Variants in RNF212B observed in about 807,000 individuals in gnomAD.
RNF212B encodes the protein ring finger protein 212B.
Under a neutral mutation model 55.5 loss-of-function variants are expected in RNF212B, and 52 were observed. The ratio of observed to expected loss-of-function variants is 0.94; its 90% CI spans 0.75 to 1.18. The LOEUF is 1.18. Ranked by LOEUF, RNF212B falls within the 50% of genes most tolerant of loss-of-function variation. RNF212B has a pLI of 0.00. For synonymous variants in RNF212B, 99 were observed against 121.4 expected (o/e 0.82, Z 1.21); for missense variants, 289 against 350.4 (o/e 0.82, Z 1.40).
chr14:23,187,967 G>A (rs1877756647), intron 1 of RNF212B: 2 of 152,234 alleles, frequency 1.3e-5, no homozygotes, highest in South Asian at 4.2e-4. Flanking sequence ...GCCAAAATAG[G>A]TCAGAAAGAA....
chr14:23,249,832 A>G (rs985216877), intron 4 of RNF212B, among the ~76,000 whole-genome samples: 1 of 152,198 alleles, frequency 6.6e-6, no homozygotes, highest in Non-Finnish European at 1.5e-5. Flanking sequence ...TTTTGCTAAG[A>G]AAGCATTTTT....
At chr14:23,190,803 G>A (rs2064406415) in intron 1 of RNF212B, among the ~76,000 whole-genome samples, 1 of 152,286 alleles carries the variant, frequency 6.6e-6, no homozygotes, top group Middle Eastern at 3.4e-3. Flanking sequence ...CAGCTAACTA[G>A]AATCAAACCT....
intron 2 of RNF212B, among the ~76,000 whole-genome samples, chr14:23,208,966 G>A (rs543239111): frequency 1.3e-5 from 2 of 151,428 alleles, no homozygotes; most frequent in Admixed American, 6.6e-5. Flanking sequence ...CATCGTGTTA[G>A]CCGGGATGGT....
chr14:23,189,507 T>C (rs532358272), intron 1 of RNF212B, among the ~76,000 whole-genome samples: 48 of 152,220 alleles, frequency 3.2e-4, no homozygotes, highest in African/African-American at 1.1e-3. Flanking sequence ...ATAACTCCCA[T>C]TGAAAAACAA....
chr14:23,215,110 C>T (rs189046129), intron 2 of RNF212B, among the ~76,000 whole-genome samples: 2 of 152,228 alleles, frequency 1.3e-5, no homozygotes, highest in Non-Finnish European at 1.5e-5. Flanking sequence ...CGGGCAGTTT[C>T]CCCCATACTG....
chr14:23,270,588 T>G lies in RNF212B; in HGVS notation c.773-12T>G. The stretch of plus-strand genomic sequence containing the variant: ...AGTAAGTTATCTTTCACTGTTCCAT[T>G]CTATCCTTCAGCTCAGAGGGAGAGC... On this transcript the variant is annotated splice_polypyrimidine_tract_variant and intron_variant, in intron 13 of 14. Coordinates refer to ENST00000430154, the MANE Select transcript of RNF212B (RefSeq NM_001282322.3). 6.5e-7 allele frequency: 1 copy of G among 1,545,730 alleles called. No homozygotes were observed. Among genetic ancestry groups the G allele is most frequent in the South Asian group, 1.2e-5 (1 of 83,938 alleles).
At chr14:23,191,327 C>G (rs922957507) in intron 1 of RNF212B, among the ~76,000 whole-genome samples, 38 of 138,832 alleles carry the variant, frequency 2.7e-4, no homozygotes, top group African/African-American at 9.7e-4. Context: ...GCACCCTGGG[C>G]GACAAAGTGA....
chr14:23,188,800 C>G (rs935232119), intron 1 of RNF212B, among the ~76,000 whole-genome samples: 1 of 152,046 alleles, frequency 6.6e-6, no homozygotes, highest in Admixed American at 6.6e-5. Context: ...ATGACAAGTT[C>G]CCTGAGGGCA....
chr14:23,237,604 G>C (rs981410183), upstream of RNF212B, among the ~76,000 whole-genome samples: 1 of 152,032 alleles, frequency 6.6e-6, no homozygotes. Context: ...AAAAGTTTTC[G>C]CCCACTTTAT....
chr14:23,254,291 ACAAAACAAAAC>A (rs1389494297), intron 4 of RNF212B, among the ~76,000 whole-genome samples: 1 of 99,836 alleles, frequency 1.0e-5, no homozygotes, highest in African/African-American at 3.6e-5. Context: ...TATCTCAAAA[ACAAAACAAAAC>A]AAAACAAAAC....
Position 23,229,220 on chromosome 14 carries a change from TTATATATATATATA to T in RNF212B, c.-1-11096_-1-11083del, listed in dbSNP as rs61656270. On this transcript the variant is annotated intron_variant, in intron 2 of 15. Coordinates refer to the RNF212B transcript ENST00000399910. ...ATTTCCTTTATGGCTGAATAATATTTTATATATATATATATATATATATATATATATATATATAT... is the reference window on the plus strand; with the variant it reads ...ATTTCCTTTATGGCTGAATAATATTTTATATATATATATATATATATATAT... Among the ~76,000 whole-genome samples the T allele has an allele frequency of 2.7e-3, 178 of 65,044 alleles. 5 individuals are homozygous for T. Among genetic ancestry groups the T allele is most frequent in the Admixed American group, 0.02 (94 of 4,794 alleles). 42.7% of individuals were successfully genotyped at this position (65,044 alleles called of 152,430 possible).
At chr14:23,216,602 G>C (rs1458336031) in intron 2 of RNF212B, among the ~76,000 whole-genome samples, 9 of 151,704 alleles carry the variant, frequency 5.9e-5, no homozygotes, top group Admixed American at 5.9e-4. Context: ...CAATCTGGCT[G>C]GGTGTGGTGG....
At chr14:23,269,371 C>T (rs1220133975) in intron 12 of RNF212B, among the ~76,000 whole-genome samples, 1 of 152,126 alleles carries the variant, frequency 6.6e-6, no homozygotes, top group African/African-American at 2.4e-5. Context: ...CTTGTACCAC[C>T]GAAGTTTACA....
At chr14:23,216,020 C>T (rs928630234) in intron 2 of RNF212B, among the ~76,000 whole-genome samples, 8 of 152,170 alleles carry the variant, frequency 5.3e-5, no homozygotes, top group East Asian at 1.9e-4. Context: ...CCAAGGCGGG[C>T]GGATCACGAG....
At position 23,219,430 on chromosome 14, in the gene RNF212B, G is replaced by A. The variant is rs553046086; in HGVS notation, c.-1-20915G>A. Among the ~76,000 whole-genome samples, 16 of 150,770 alleles carry A rather than the reference G, an allele frequency of 1.1e-4. 1 individual carries two copies. In the South Asian group the frequency reaches 2.9e-3, roughly 28 times the overall value. ...AAGAGAAAGAACAAAAAGTTTAAAAGCAGAGGAAAGAAGTTGAAGTGTAGC... is the reference window on the plus strand; with the variant it reads ...AAGAGAAAGAACAAAAAGTTTAAAAACAGAGGAAAGAAGTTGAAGTGTAGC... On this transcript the variant is annotated intron_variant, in intron 2 of 15. Coordinates refer to the RNF212B transcript ENST00000399910.
At chr14:23,213,994 G>T (rs887458954) in intron 2 of RNF212B, among the ~76,000 whole-genome samples, 9 of 152,116 alleles carry the variant, frequency 5.9e-5, no homozygotes, top group African/African-American at 1.9e-4. Context: ...TGAATTGGGT[G>T]TACCTGTAGT....
At chr14:23,264,306 A>G in intron 10 of RNF212B, 72 bp downstream of exon 10, 1 of 1,259,020 alleles carries the variant, frequency 7.9e-7, no homozygotes, top group Non-Finnish European at 1.1e-6. Flanking sequence ...TTTATCAAGA[A>G]CTTAAATTTA....
At chr14:23,248,958 G>A (rs528174784) in intron 4 of RNF212B, among the ~76,000 whole-genome samples, 144 of 152,282 alleles carry the variant, frequency 9.5e-4, no homozygotes, top group African/African-American at 3.3e-3. Context: ...ACCCAACTCT[G>A]CTGTTGTAGC....
At chr14:23,224,328 A>G (rs1881823708) in intron 2 of RNF212B, among the ~76,000 whole-genome samples, 1 of 152,198 alleles carries the variant, frequency 6.6e-6, no homozygotes, top group Admixed American at 6.5e-5. Context: ...AAAGGGAGGA[A>G]TCATATTATC....
Sources: gnomAD v4.1 joint callset for allele counts (sites outside exome capture counted in the v4.1 genomes callset) on GRCh38, gnomAD v4.1.1 for gene constraint, MANE v1.5 for transcripts, NCBI Gene and HGNC (gene_info 2026-07-23, HGNC 2026-07-21) for gene names.